Variants in SRPK1 observed in about 807,000 individuals in gnomAD.
SRPK1 encodes the protein SRSF protein kinase 1, also known as SFRS protein kinase 1.
A neutral mutation model predicts 89.5 loss-of-function variants in SRPK1; 52 were observed. The ratio of observed to expected loss-of-function variants is 0.58; its 90% confidence interval spans 0.46 to 0.73. SRPK1 has a LOEUF of 0.73. Among genes scored for constraint, SRPK1 ranks in the 30% least tolerant of loss-of-function variants. The pLI is 0.00. For missense variants in SRPK1, 603 were observed against 780.6 expected, an observed-to-expected ratio of 0.77 and a Z score of 2.71; for synonymous variants, 255 against 270.2, an observed-to-expected ratio of 0.94 and a Z score of 0.55.
At chr6:35,857,888 C>G (rs1034931669) in intron 12 of SRPK1, among the ~76,000 whole-genome samples, 5 of 152,186 alleles carry the variant, frequency 3.3e-5, no homozygotes, top group Admixed American at 1.3e-4. Context: ...CAAATTTCAT[C>G]TAGTACCCTT....
At chr6:35,839,149 G>A (rs2151077669) in intron 14 of SRPK1, among the ~76,000 whole-genome samples, 1 of 152,350 alleles carries the variant, frequency 6.6e-6, no homozygotes, top group African/African-American at 2.4e-5. Context: ...CCCAGTGGCT[G>A]GGATTTCAGG....
chr6:35,850,941 G>C (rs958358562), intron 13 of SRPK1, among the ~76,000 whole-genome samples: 1 of 152,154 alleles, frequency 6.6e-6, no homozygotes, highest in African/African-American at 2.4e-5. Context: ...CAAGACTAGG[G>C]AAAGAAAATA....
chr6:35,912,603 C>T (rs545045882), intron 2 of SRPK1, among the ~76,000 whole-genome samples: 3 of 152,240 alleles, frequency 2.0e-5, no homozygotes, highest in African/African-American at 7.2e-5. Flanking sequence ...TGAACGTGAA[C>T]CCATAGTATC....
chr6:35,844,929 C>A (rs1769394547), intron 13 of SRPK1, among the ~76,000 whole-genome samples: 1 of 152,050 alleles, frequency 6.6e-6, no homozygotes, highest in Non-Finnish European at 1.5e-5. Flanking sequence ...CGCCTGTGGT[C>A]CCAGCTATTC....
At chr6:35,893,453 C>A (rs906409142) in intron 2 of SRPK1, among the ~76,000 whole-genome samples, 4 of 151,146 alleles carry the variant, frequency 2.6e-5, no homozygotes, top group Non-Finnish European at 4.4e-5. Context: ...CCACTGCACT[C>A]CAGCATGGGC....
intron 2 of SRPK1, among the ~76,000 whole-genome samples, chr6:35,901,177 T>C (rs1770731751): frequency 6.6e-6 from 1 of 152,194 alleles, no homozygotes. Context: ...GAGGCTGAAT[T>C]GTGCCCCTCC....
intron 2 of SRPK1, among the ~76,000 whole-genome samples, chr6:35,898,615 T>A (rs963841432): frequency 6.6e-6 from 1 of 152,096 alleles, no homozygotes; most frequent in Non-Finnish European, 1.5e-5. Flanking sequence ...ATCTGTAATC[T>A]CAGCTACTTG....
chr6:35,838,558 C>T, intron 14 of SRPK1, 129 bp from the exon 15 acceptor site: 1 of 1,364,918 alleles, frequency 7.3e-7, no homozygotes, highest in East Asian at 2.4e-5. Flanking sequence ...GGCTTACTTT[C>T]TATCCTAAAT....
At chr6:35,913,870 A>T (rs1408904487) in intron 2 of SRPK1, among the ~76,000 whole-genome samples, 1 of 151,958 alleles carries the variant, frequency 6.6e-6, no homozygotes, top group Admixed American at 6.6e-5. Context: ...CCACGGTTTT[A>T]AAAATCAATT....
intron 3 of SRPK1, among the ~76,000 whole-genome samples, chr6:35,890,104 G>A (rs971326320): frequency 2.0e-5 from 3 of 151,912 alleles, no homozygotes; most frequent in Non-Finnish European, 2.9e-5. Context: ...GCGAGACTCC[G>A]CCTCAAAAAC....
intron 12 of SRPK1, 110 bp from the exon 13 acceptor site, chr6:35,857,478 A>G: frequency 1.2e-6 from 1 of 847,154 alleles, no homozygotes; most frequent in East Asian, 2.7e-5. Context: ...TCCCAAACCA[A>G]AGTTCTCACT....
At chr6:35,837,571 T>TC (rs1186556463) in intron 15 of SRPK1, among the ~76,000 whole-genome samples, 4 of 152,106 alleles carry the variant, frequency 2.6e-5, no homozygotes, top group African/African-American at 4.8e-5. Context: ...CTCTTTTTTT[T>TC]CCCCGAGACA....
At chr6:35,836,100 G>C (rs566421553) in intron 15 of SRPK1, among the ~76,000 whole-genome samples, 1 of 152,256 alleles carries the variant, frequency 6.6e-6, no homozygotes, top group East Asian at 1.9e-4. Context: ...CACAGCAGCA[G>C]GTCAGTGGTG....
In SRPK1 at chr6:35,863,454, T is replaced by TAA. The variant is rs58738266; in HGVS notation, c.1512+5554_1512+5555dup. Among the ~76,000 whole-genome samples, 608 of 137,638 alleles carry TAA rather than the reference T, an allele frequency of 4.4e-3. 4 individuals are homozygous for TAA. The highest frequency in any genetic ancestry group is 0.021 in the South Asian group (92 of 4,352). The allele number at this position is 137,638 out of a possible 152,430, so 90.3% of individuals were successfully genotyped here. ...CCTGGGCAACAGAGACCCTGTTTCTTAAAAAAAAAAAAAAAATTAATTAAT... is the reference window on the plus strand; with the variant it reads ...CCTGGGCAACAGAGACCCTGTTTCTTAAAAAAAAAAAAAAAAAATTAATTAAT... On this transcript the variant is annotated intron_variant, in intron 12 of 15. Coordinates refer to ENST00000373825, the MANE Select transcript of SRPK1 (RefSeq NM_003137.5).
intron 6 of SRPK1, among the ~76,000 whole-genome samples, chr6:35,879,269 A>G (rs557430937): frequency 6.6e-6 from 1 of 152,230 alleles, no homozygotes; most frequent in East Asian, 1.9e-4. Flanking sequence ...AAACAGAGCC[A>G]GGTACAGCGG....
intron 2 of SRPK1, among the ~76,000 whole-genome samples, chr6:35,901,377 A>C (rs1008369426): frequency 2.0e-5 from 3 of 152,222 alleles, no homozygotes. Flanking sequence ...TAGAGGGAAG[A>C]TGATGTGAAG....
In SRPK1 at chr6:35,842,544, G is replaced by C. The variant is rs1183040111; in HGVS notation, c.1681C>G (p.Arg561Gly). Reference sequence around the variant, plus strand: ...GGTTAAGGGGACTCACCTTCATCTCGAGTGTACTCTTCCCCTGAATGAGGT... The same window carrying C: ...GGTTAAGGGGACTCACCTTCATCTCCAGTGTACTCTTCCCCTGAATGAGGT... ...FEPHSGEEYT[R>G]DEDHIALIIE... is the part of the protein sequence containing the mutation. Residue 561 changes from arginine to glycine, a missense_variant, in exon 14 of 16, where the codon CGA becomes GGA. By Grantham distance (125) the Arg-to-Gly change is moderately radical. Coordinates refer to ENST00000373825, the MANE Select transcript of SRPK1 (RefSeq NM_003137.5). The C allele has an allele frequency of 1.9e-6, 3 of 1,611,064 alleles. No homozygotes were observed. The highest frequency in any genetic ancestry group is 2.2e-5 in the East Asian group (1 of 44,838).
intron 2 of SRPK1, among the ~76,000 whole-genome samples, chr6:35,907,710 AAT>A (rs1491256023): frequency 8.0e-5 from 11 of 136,738 alleles, no homozygotes; most frequent in Admixed American, 7.4e-5. Context: ...CGTCTCAAAA[AAT>A]AAAAAATAAA....
At chr6:35,869,979 A>C in intron 10 of SRPK1, 78 bp from the exon 11 acceptor site, 1 of 1,435,964 alleles carries the variant, frequency 7.0e-7, no homozygotes, top group Non-Finnish European at 9.3e-7. Context: ...CACAAGATTA[A>C]AACATTTTCT....
Sources: allele counts gnomAD v4.1 joint callset (sites outside exome capture counted in the v4.1 genomes callset), GRCh38; gene constraint gnomAD v4.1.1; transcripts MANE v1.5; gene names NCBI Gene and HGNC (gene_info 2026-07-23, HGNC 2026-07-21).